Variants in SELENON observed in about 807,000 individuals in gnomAD.
SELENON encodes selenoprotein N, 1.
SELENON carries 44 observed loss-of-function variants against 59.5 expected under a neutral mutation model. The ratio of observed to expected loss-of-function variants is 0.74; its 90% CI spans 0.58 to 0.95. The LOEUF (loss-of-function observed/expected upper bound fraction) is 0.95. Ranked by LOEUF, SELENON falls within the 40% of genes least tolerant of loss-of-function variation. The probability of loss-of-function intolerance (pLI) is 0.00; values close to 1 mark genes in which losing one functional copy is unlikely to be tolerated. For synonymous variants in SELENON, 320 were observed against 305.6 expected (o/e 1.05, Z -0.49); for missense variants, 674 against 721.4 (o/e 0.93, Z 0.75).
intron 6 of SELENON, 119 bp downstream of exon 5, chr1:25,809,269 C>A: frequency 1.3e-6 from 2 of 1,481,910 alleles, no homozygotes; most frequent in Non-Finnish European, 1.8e-6. Flanking sequence ...CCGTCTTGGG[C>A]AAGCAGCTTT....
rs754516856 is a variant in SELENON at position 25,818,155 on chromosome 1, T to G, written c.*2437T>G. 2 of 152,378 alleles carry G rather than the reference T, an allele frequency of 1.3e-5. No individual in the cohort carries two copies. Among genetic ancestry groups the G allele is most frequent in the Non-Finnish European group, 2.9e-5 (2 of 68,190 alleles). 9.4% of individuals were successfully genotyped at this position (152,378 alleles called of 1,614,324 possible). On this transcript the variant is annotated 3_prime_UTR_variant, in exon 13 of 13. Transcript: ENST00000361547. The stretch of plus-strand genomic sequence containing the variant: ...GGTGGGAGAGGGCCCCGGGCTGCCC[T>G]GTCACTCCTCTAACACTTCCCTCCC...
At chr1:25,801,691 C>CA (rs35463034) in intron 2 of SELENON, among the ~76,000 whole-genome samples, 82,474 of 151,814 alleles carry the variant, frequency 0.54, 22,714 homozygotes, top group South Asian at 0.73. Flanking sequence ...ACCAAAAAAA[C>CA]AAAAAAACCA....
intron 6 of SELENON, 129 bp from the exon 6 acceptor site, chr1:25,809,554 G>A (rs1472245558): frequency 1.5e-6 from 2 of 1,327,872 alleles, no homozygotes; most frequent in East Asian, 4.6e-5. Flanking sequence ...GAGCCTCGCT[G>A]CTGCCCACTG....
intron 3 of SELENON, among the ~76,000 whole-genome samples, chr1:25,802,742 A>G (rs960556535): frequency 6.6e-6 from 1 of 152,232 alleles, no homozygotes; most frequent in Non-Finnish European, 1.5e-5. Flanking sequence ...GGGCTGAAAC[A>G]TTCTAATGAA....
At position 25,816,735 on chromosome 1, in the gene SELENON, C is replaced by G. The variant is rs940938730; in HGVS notation, c.*1017C>G. 1 of 152,654 alleles carries G rather than the reference C, an allele frequency of 6.6e-6. No individual in the cohort carries two copies. Among genetic ancestry groups the G allele is most frequent in the African/African-American group, 2.4e-5 (1 of 41,444 alleles). The allele number at this position is 152,654 out of a possible 1,614,324, so 9.5% of individuals were successfully genotyped here. On this transcript the variant is annotated 3_prime_UTR_variant, in exon 13 of 13. Transcript: ENST00000361547. ...TTATATGTGCAGAAAAGTGTTTTTA[C>G]ACAAACTTTCTCATGGTTTGTAGGT...
chr1:25,811,525 A>G lies in SELENON; in HGVS notation c.1082A>G (p.Tyr361Cys), dbSNP rs749968347. The G allele has an allele frequency of 3.1e-6, 5 of 1,614,122 alleles. No homozygotes were observed. The East Asian group carries it at 8.9e-5, about 29-fold the overall frequency. ...AGCAACATGGAGGTGGACATCGGCT[A>G]CATACCCCAGGTGAGCGCACAGGAG... Residue 361 changes from tyrosine (Y) to cysteine (C), a missense_variant, in exon 8 of 13, where the codon TAC becomes TGC. By Grantham distance (194) the Tyr-to-Cys change is radical (BLOSUM62 -2). Coordinates refer to ENST00000361547, the MANE Select transcript of SELENON (RefSeq NM_020451.3).
At chr1:25,801,800 C>G (rs1280638661) in intron 2 of SELENON, among the ~76,000 whole-genome samples, 1 of 152,164 alleles carries the variant, frequency 6.6e-6, no homozygotes, top group Non-Finnish European at 1.5e-5. Flanking sequence ...CTGTCATGAT[C>G]CCCATGTTTA....
At position 25,809,687 on chromosome 1, in the gene SELENON, C is replaced by T. The variant is rs1308664983; in HGVS notation, c.877C>T (p.His293Tyr). ...AGCAGATCCCCTTCCCCACAGGATC[C>T]ATGCCGAGTTCCAGCTCAGTGAGCC... is the stretch of plus-strand genomic sequence containing the variant. The change falls in exon 7 of 13, where the codon CAT (histidine) becomes TAT (tyrosine). Residue 293 changes from histidine (H) to tyrosine (Y), a missense_variant. Physicochemically the swap from His to Tyr is moderately conservative, Grantham distance 83. Transcript: ENST00000361547. 6.2e-7 allele frequency: 1 copy of T among 1,613,816 alleles called. No individual in the cohort carries two copies. Among genetic ancestry groups the T allele is most frequent in the African/African-American group, 1.3e-5 (1 of 74,938 alleles).
Position 25,814,050 on chromosome 1 carries a change from A to C in SELENON, c.1501-27A>C, listed in dbSNP as rs775104256. ...CCGGAACAGTGGTGGGGGCCGCGGC[A>C]TCAGGAGTGTGCAACTGTCCCCACA... On this transcript the variant is annotated intron_variant, in intron 11 of 12. Transcript: ENST00000361547. 4.7e-5 allele frequency: 76 copies of C among 1,611,436 alleles called. 2 individuals carry two copies. The South Asian group carries it at 7.1e-4, about 15-fold the overall frequency.
Position 25,811,756 on chromosome 1 carries a change from C to T in SELENON, c.1158C>T (p.Ile386=), listed in dbSNP as rs372243527. The T allele has an allele frequency of 3.5e-5, 56 of 1,598,226 alleles. No homozygotes were observed. The highest frequency in any genetic ancestry group is 1.7e-4 in the Middle Eastern group (1 of 6,056). Residue 386 remains isoleucine (I), a synonymous_variant, in exon 9 of 13, where the codon ATC becomes ATT. Coordinates refer to ENST00000361547, the MANE Select transcript of SELENON (RefSeq NM_020451.3). ...TCCTGGATGAGGATGGCAGCATGATCGACAGCCACCTGCCTTCAGGGGAGC... is the reference window on the plus strand; with the variant it reads ...TCCTGGATGAGGATGGCAGCATGATTGACAGCCACCTGCCTTCAGGGGAGC...
chr1:25,811,775 G>T lies in SELENON; in HGVS notation c.1177G>T (p.Gly393Trp). 6.3e-7 allele frequency: 1 copy of T among 1,592,440 alleles called. No homozygotes were observed. ...CATGATCGACAGCCACCTGCCTTCA[G>T]GGGAGCCCCTGCAGTTTGTGTTTGA... The change falls in exon 9 of 13, where the codon GGG becomes TGG. Residue 393 changes from glycine to tryptophan, a missense_variant. By Grantham distance (184) the Gly-to-Trp change is radical (BLOSUM62 -2). Coordinates refer to ENST00000361547, the MANE Select transcript of SELENON (RefSeq NM_020451.3).
intron 3 of SELENON, among the ~76,000 whole-genome samples, chr1:25,804,741 TC>T (rs1478551717): frequency 1.8e-4 from 27 of 149,418 alleles, no homozygotes; most frequent in Admixed American, 1.0e-3. Context: ...AGAGCCTGTT[TC>T]TGTTTCTTGC....
At chr1:25,809,523 G>T (rs545994072) in intron 6 of SELENON, among the ~76,000 whole-genome samples, 160 bp from the exon 6 acceptor site, 3 of 152,174 alleles carry the variant, frequency 2.0e-5, no homozygotes, top group Admixed American at 2.0e-4. Context: ...CCCGGGCCTC[G>T]AAGGATGAGC....
Position 25,805,184 on chromosome 1 carries a change from CT to C in SELENON, c.447del (p.Asp150ThrfsTer?), listed in dbSNP as rs775625468. 6.2e-7 allele frequency: 1 copy of C among 1,614,068 alleles called. No homozygotes were observed. Among genetic ancestry groups the C allele is most frequent in the Non-Finnish European group, 8.5e-7 (1 of 1,180,014 alleles). ...AGCTGCGAGGAGGAGGAGTTGCCCC[CT>C]GACCCTAGCGAGGAGACGCTCACCA... On this transcript the variant is annotated frameshift_variant, in exon 4 of 13. Transcript: ENST00000361547. LOFTEE classifies it high-confidence loss of function.
At chr1:25,801,242 G>T in intron 2 of SELENON, 82 bp downstream of exon 2, 1 of 1,079,622 alleles carries the variant, frequency 9.3e-7, no homozygotes. Flanking sequence ...CGTCTGGAGT[G>T]GAGGGAAGCT....
chr1:25,808,452 C>T, intron 4 of SELENON, 128 bp from the exon 4 acceptor site: 1 of 1,058,904 alleles, frequency 9.4e-7, no homozygotes, highest in Non-Finnish European at 1.4e-6. Flanking sequence ...GCAGGAACCT[C>T]CCTGGGGTCC....
At chr1:25,815,116 A>G (rs552362982) in intron 12 of SELENON, among the ~76,000 whole-genome samples, 45 of 152,300 alleles carry the variant, frequency 3.0e-4, no homozygotes, top group African/African-American at 1.0e-3. Context: ...AGGCACAAAG[A>G]TAAAGACACA....
intron 10 of SELENON, chr1:25,813,585 A>T (rs1341578706): frequency 6.3e-6 from 3 of 478,094 alleles, no homozygotes; most frequent in South Asian, 5.0e-5. Context: ...GTAGAGGAAC[A>T]GCCTGTGTGA....
intron 4 of SELENON, among the ~76,000 whole-genome samples, chr1:25,805,558 G>T (rs2047899533): frequency 6.6e-6 from 1 of 152,076 alleles, no homozygotes; most frequent in Non-Finnish European, 1.5e-5. Flanking sequence ...CAGGGTGACT[G>T]AGCACAGGTT....
Sources: gnomAD v4.1 joint callset for allele counts (sites outside exome capture counted in the v4.1 genomes callset) on GRCh38, gnomAD v4.1.1 for gene constraint, MANE v1.5 for transcripts, NCBI Gene and HGNC (gene_info 2026-07-23, HGNC 2026-07-21) for gene names.